GRAMD4: variants seen among roughly 807,000 people sequenced by gnomAD.
GRAMD4 encodes the protein GRAM domain containing 4, also known as GRAM domain-containing protein 4.
A neutral mutation model predicts 83.9 loss-of-function variants in GRAMD4; 25 were observed. That is an observed-to-expected ratio of 0.30 (90% CI 0.22 to 0.42). The LOEUF is 0.42. Among genes scored for constraint, GRAMD4 ranks in the 10% least tolerant of loss-of-function variants. The pLI is 1.00. For missense variants in GRAMD4, 593 were observed against 788.7 expected (o/e 0.75, Z 2.97); for synonymous variants, 336 against 320.9 (o/e 1.05, Z -0.50).
intron 3 of GRAMD4, among the ~76,000 whole-genome samples, chr22:46,640,906 A>T (rs1243741882): frequency 1.4e-5 from 2 of 147,176 alleles, no homozygotes; most frequent in African/African-American, 5.0e-5. Flanking sequence ...TGGATAGCTC[A>T]GTGTGTTTTA....
chr22:46,640,785 C>G (rs926523101), intron 3 of GRAMD4, among the ~76,000 whole-genome samples: 2 of 152,130 alleles, frequency 1.3e-5, no homozygotes, highest in East Asian at 3.9e-4. Context: ...CAGGCTTCCC[C>G]GACACGCCCT....
rs1031054507 is a variant in GRAMD4 at position 46,678,598 on chromosome 22, C to G, written c.*1347C>G. On this transcript the variant is annotated 3_prime_UTR_variant, in exon 19 of 19. Transcript: ENST00000406902. ...GGGGCGGATCCCGCAGCTCCCTCAG[C>G]TTGTCCTGAGTCCCTTGGGTGTCGT... The G allele has an allele frequency of 2.2e-5, 22 of 985,400 alleles. No individual in the cohort carries two copies. In the South Asian group the frequency reaches 7.5e-4, roughly 34 times the overall value. 61.0% of individuals were successfully genotyped at this position (985,400 alleles called of 1,614,324 possible).
intron 7 of GRAMD4, 39 bp from the exon 8 acceptor site, chr22:46,663,987 A>G (rs558463293): frequency 6.3e-7 from 1 of 1,576,162 alleles, no homozygotes; most frequent in African/African-American, 1.3e-5. Context: ...GCGGCCTCCT[A>G]CCCACAGTGC....
rs1316433270 is a variant in GRAMD4, at chr22:46,677,813, T to TTGGTGCCGGGC, written c.*566_*576dup. The TTGGTGCCGGGC allele has an allele frequency of 3.0e-6, 3 of 985,186 alleles. No homozygotes were observed. The highest frequency in any genetic ancestry group is 5.2e-4 in the Middle Eastern group (1 of 1,934). 61.0% of individuals were successfully genotyped at this position (985,186 alleles called of 1,614,324 possible). On this transcript the variant is annotated 3_prime_UTR_variant, in exon 19 of 19. Coordinates refer to ENST00000406902, the MANE Select transcript of GRAMD4 (RefSeq NM_015124.5). ...TGAGACCCTCCTGTGGCATTTGCCC[T>TTGGTGCCGGGC]TGGTGCCGGGCTGGGGCCGGGCGCA... is the stretch of plus-strand genomic sequence containing the variant.
intron 1 of GRAMD4, chr22:46,587,902 G>T: frequency 3.0e-6 from 3 of 985,336 alleles, no homozygotes; most frequent in Non-Finnish European, 3.6e-6. Flanking sequence ...ATGGTACAGG[G>T]CTCCTGATCC....
In GRAMD4 at chr22:46,663,875, C is replaced by T. The variant is rs1204821148; in HGVS notation, c.625+12C>T. On this transcript the variant is annotated intron_variant, in intron 7 of 18. Transcript: ENST00000406902. ...TATGAGACGGCTCAGTGAGTACCAG[C>T]GGCTCTGCGTGGCGCCCACGATGCT... 1.1e-5 allele frequency: 17 copies of T among 1,612,874 alleles called. No individual in the cohort carries two copies. The highest frequency in any genetic ancestry group is 5.5e-5 in the South Asian group (5 of 91,086).
chr22:46,589,039 G>A (rs1281903835), intron 1 of GRAMD4, among the ~76,000 whole-genome samples: 2 of 152,142 alleles, frequency 1.3e-5, no homozygotes, highest in Non-Finnish European at 2.9e-5. Context: ...GGCTGGGTAC[G>A]CAGCAGGTGC....
rs1048614052 is a variant in GRAMD4 at position 46,678,563 on chromosome 22, C to T, written c.*1312C>T. 22 of 985,368 alleles carry T rather than the reference C, an allele frequency of 2.2e-5. No homozygotes were observed. The highest frequency in any genetic ancestry group is 1.0e-4 in the African/African-American group (6 of 57,260). 61.0% of individuals were successfully genotyped at this position (985,368 alleles called of 1,614,324 possible). A position where few individuals can be genotyped will look rare whatever the true frequency, so the allele number is the denominator to read the frequency against. The stretch of plus-strand genomic sequence containing the variant: ...AGGAGGTGGCCACCCCGCGGGCCTG[C>T]GTGTCTGCTGGGGCGGATCCCGCAG... On this transcript the variant is annotated 3_prime_UTR_variant, in exon 19 of 19. Coordinates refer to ENST00000406902, the MANE Select transcript of GRAMD4 (RefSeq NM_015124.5).
intron 1 of GRAMD4, among the ~76,000 whole-genome samples, chr22:46,611,181 A>C (rs2081412994): frequency 6.6e-6 from 1 of 150,940 alleles, no homozygotes. Flanking sequence ...ACGCCATTGC[A>C]GTCCAGCCTG....
chr22:46,584,356 G>A (rs900714625), intron 1 of GRAMD4, among the ~76,000 whole-genome samples: 14 of 152,254 alleles, frequency 9.2e-5, no homozygotes, highest in African/African-American at 2.9e-4. Flanking sequence ...GTGAGCTGAC[G>A]CGCACATATG....
chr22:46,679,899 GC>G, downstream of GRAMD4: 2 of 536,014 alleles, frequency 3.7e-6, no homozygotes, highest in Non-Finnish European at 4.8e-6. Flanking sequence ...ACTCCCTGGG[GC>G]CCCACGGCTG....
At chr22:46,610,197 C>T (rs989909089) in intron 1 of GRAMD4, among the ~76,000 whole-genome samples, 7 of 152,220 alleles carry the variant, frequency 4.6e-5, no homozygotes, top group African/African-American at 1.7e-4. Flanking sequence ...GCAAGGCCCA[C>T]ACATGAATCT....
intron 13 of GRAMD4, among the ~76,000 whole-genome samples, chr22:46,671,430 C>T (rs527988894): frequency 2.0e-5 from 3 of 151,680 alleles, no homozygotes; most frequent in Admixed American, 1.3e-4. Context: ...GCTGAGATCG[C>T]GCCACTGCAC....
At chr22:46,680,564 GTCCA>G (rs1299438133), downstream of GRAMD4, among the ~76,000 whole-genome samples, 217 of 22,504 alleles carry the variant, frequency 9.6e-3, 29 homozygotes, top group East Asian at 0.015. Context: ...CCGTCCGTCC[GTCCA>G]TCCATCCATC....
chr22:46,664,224 C>T, intron 8 of GRAMD4, 107 bp downstream of exon 8: 1 of 787,388 alleles, frequency 1.3e-6, no homozygotes, highest in Non-Finnish European at 2.3e-6. Context: ...CCAGGTGGCA[C>T]TTCCTCAGGC....
Position 46,677,417 on chromosome 22 carries a change from A to C in GRAMD4, c.*166A>C, listed in dbSNP as rs1176754527. On this transcript the variant is annotated 3_prime_UTR_variant, in exon 19 of 19. Coordinates refer to ENST00000406902, the MANE Select transcript of GRAMD4 (RefSeq NM_015124.5). ...GTTGACCTCTGCGTTTTATCGACCA[A>C]GAAGGGGCCAGGGCTCACAGGGACG... is the stretch of plus-strand genomic sequence containing the variant. The C allele has an allele frequency of 7.3e-7, 1 of 1,373,824 alleles. No homozygotes were observed. Among genetic ancestry groups the C allele is most frequent in the African/African-American group, 1.5e-5 (1 of 68,568 alleles). The allele number at this position is 1,373,824 out of a possible 1,614,324, so 85.1% of individuals were successfully genotyped here.
At chr22:46,607,941 GC>G (rs889810144) in intron 1 of GRAMD4, among the ~76,000 whole-genome samples, 3 of 152,214 alleles carry the variant, frequency 2.0e-5, no homozygotes, top group African/African-American at 2.4e-5. Flanking sequence ...GGTGCCGGCT[GC>G]CCCCCCAGGG....
chr22:46,653,254 G>A lies in GRAMD4; in HGVS notation c.284-4933G>A, dbSNP rs541610561. Among the ~76,000 whole-genome samples, 3 of 152,266 alleles carry A rather than the reference G, an allele frequency of 2.0e-5. No individual in the cohort carries two copies. In the South Asian group the frequency reaches 6.2e-4, roughly 31 times the overall value. On this transcript the variant is annotated intron_variant, in intron 3 of 18. Transcript: ENST00000406902. ...TGCCGCCCGCTGCCCCGGGAGCCAGGCATCCTTTGGGCTCTGAGCAGCGAG... is the reference window on the plus strand; with the variant it reads ...TGCCGCCCGCTGCCCCGGGAGCCAGACATCCTTTGGGCTCTGAGCAGCGAG...
chr22:46,650,735 G>T (rs2082153954), intron 3 of GRAMD4, among the ~76,000 whole-genome samples: 1 of 152,234 alleles, frequency 6.6e-6, no homozygotes, highest in East Asian at 1.9e-4. Flanking sequence ...CCAGGCTCTT[G>T]TCCTGTCCCG....
Sources: allele counts gnomAD v4.1 joint callset (sites outside exome capture counted in the v4.1 genomes callset), GRCh38; gene constraint gnomAD v4.1.1; transcripts MANE v1.5; gene names NCBI Gene and HGNC (gene_info 2026-07-23, HGNC 2026-07-21).